RNASEL: variants seen among roughly 807,000 people sequenced by gnomAD.
The protein encoded by RNASEL is 2-5A-dependent ribonuclease.
A neutral mutation model predicts 50.9 loss-of-function variants in RNASEL; 36 were observed. That is an observed-to-expected ratio of 0.71 (90% CI 0.54 to 0.93). RNASEL has a LOEUF of 0.93. Ranked by LOEUF, RNASEL falls within the 40% of genes least tolerant of loss-of-function variation. RNASEL has a pLI of 0.00. For synonymous variants in RNASEL, 335 were observed against 335.6 expected (o/e 1.00, Z 0.02); for missense variants, 860 against 894.5 (o/e 0.96, Z 0.49).
chr1:182,586,189 C>G lies in RNASEL; in HGVS notation c.618G>C (p.Leu206Phe). The change falls in exon 2 of 7, where the codon TTG becomes TTC. Residue 206 changes from leucine (L) to phenylalanine (F), a missense_variant. Coordinates refer to ENST00000367559, the MANE Select transcript of RNASEL (RefSeq NM_021133.4). Reference sequence around the variant, plus strand: ...CGTCAGAGCTCAGGAGAGCATGGATCAAGGCATTTCTGCCCATATTGTCAC... The same window carrying G: ...CGTCAGAGCTCAGGAGAGCATGGATGAAGGCATTTCTGCCCATATTGTCAC... ...NACDNMGRNALIHALLSSDDS... is the reference protein window; with the variant it reads ...NACDNMGRNAFIHALLSSDDS... 1 of 1,614,190 alleles carries G rather than the reference C, an allele frequency of 6.2e-7. No homozygotes were observed. The highest frequency in any genetic ancestry group is 8.5e-7 in the Non-Finnish European group (1 of 1,180,038).
At position 182,581,473 on chromosome 1, in the gene RNASEL, C is replaced by CTTTTT. The variant is rs1011639686; in HGVS notation, c.1773-121_1773-117dup. 143 of 294,596 alleles carry CTTTTT rather than the reference C, an allele frequency of 4.9e-4. 3 individuals are homozygous for CTTTTT. Among genetic ancestry groups the CTTTTT allele is most frequent in the African/African-American group, 1.0e-3 (26 of 25,220 alleles). 18.2% of individuals were successfully genotyped at this position (294,596 alleles called of 1,614,324 possible). ...TTTTGTGCTTTCTTGGTTTTTCTTT[C>CTTTTT]TTTTTTTTTTTTTTTTTTTTTTTTT... On this transcript the variant is annotated intron_variant, in intron 4 of 6. Coordinates refer to ENST00000367559, the MANE Select transcript of RNASEL (RefSeq NM_021133.4).
rs1661380109 is a variant in RNASEL at position 182,576,343 on chromosome 1, CT to C, written c.1951del (p.Arg651GlufsTer13). The C allele has an allele frequency of 6.2e-7, 1 of 1,604,302 alleles. No individual in the cohort carries two copies. On this transcript the variant is annotated frameshift_variant, in exon 6 of 7. Coordinates refer to ENST00000367559, the MANE Select transcript of RNASEL (RefSeq NM_021133.4). LOFTEE classifies it high-confidence loss of function. ...MKKMNKFYEK[R>X]GNFYQNTVGD... is the part of the protein sequence containing the mutation. ...CACAGTGTTCTGGTAGAAATTGCCT[CT>C]TTTTTCATAAAACTTATTCATTTTT...
In RNASEL at chr1:182,585,533, C is replaced by T. The variant is rs954642196; in HGVS notation, c.1274G>A (p.Ser425Asn). The T allele has an allele frequency of 6.2e-7, 1 of 1,614,178 alleles. No homozygotes were observed. Among genetic ancestry groups the T allele is most frequent in the Non-Finnish European group, 8.5e-7 (1 of 1,180,026 alleles). ...ACACACAAACAAGTGGCCCCTGTGGCTCTCACTCCCATAGAATGTCACCAA... is the reference window on the plus strand; with the variant it reads ...ACACACAAACAAGTGGCCCCTGTGGTTCTCACTCCCATAGAATGTCACCAA... The part of the protein sequence containing the change: ...SHLVTFYGSE[S>N]HRGHLFVCVT... Residue 425 changes from serine to asparagine, a missense_variant, in exon 2 of 7, where the codon AGC (serine) becomes AAC (asparagine). By Grantham distance (46) the Ser-to-Asn change is conservative. Transcript: ENST00000367559.
At position 182,585,562 on chromosome 1, in the gene RNASEL, A is replaced by T; in HGVS notation, c.1245T>A (p.Ser415Arg). ...VSCLQSSREN[S>R]HLVTFYGSES... ...CACTCCCATAGAATGTCACCAAGTG[A>T]CTGTTCTCTCGGCTGCTTTGCAGAC... Residue 415 changes from serine to arginine, a missense_variant, in exon 2 of 7, where the codon AGT (serine) becomes AGA (arginine). Ser to Arg is a moderately radical substitution (Grantham distance 110). Coordinates refer to ENST00000367559, the MANE Select transcript of RNASEL (RefSeq NM_021133.4). The T allele has an allele frequency of 6.2e-7, 1 of 1,614,192 alleles. No homozygotes were observed.
intron 2 of RNASEL, among the ~76,000 whole-genome samples, chr1:182,584,567 A>G (rs1378225004): frequency 6.6e-6 from 1 of 152,186 alleles, no homozygotes; most frequent in African/African-American, 2.4e-5. Context: ...TCAGGCAAGA[A>G]CAGCCTTTCC....
chr1:182,581,309 T>C lies in RNASEL; in HGVS notation c.1821A>G (p.Thr607=). ...RNVGNESDIK[T]RKSESEILRL... is the part of the protein sequence containing the mutation. ...TGAGGATCTCACTTTCAGATTTTCG[T>C]GTTTTGATGTCGGATTCATTTCCCA... Residue 607 remains threonine (T), a synonymous_variant, in exon 5 of 7, where the codon ACA becomes ACG. Coordinates refer to ENST00000367559, the MANE Select transcript of RNASEL (RefSeq NM_021133.4). The C allele has an allele frequency of 1.9e-6, 3 of 1,614,054 alleles. No individual in the cohort carries two copies. Among genetic ancestry groups the C allele is most frequent in the Non-Finnish European group, 2.5e-6 (3 of 1,180,006 alleles).
In RNASEL at chr1:182,586,435, A is replaced by T. The variant is rs1393826700; in HGVS notation, c.372T>A (p.Tyr124Ter). 1.2e-6 allele frequency: 2 copies of T among 1,614,236 alleles called. No individual in the cohort carries two copies. Among genetic ancestry groups the T allele is most frequent in the Non-Finnish European group, 1.7e-6 (2 of 1,180,036 alleles). Residue 124 changes from tyrosine to a stop codon, truncating the protein, a stop_gained, in exon 2 of 7, where the codon TAT (tyrosine) becomes TAA (stop). Transcript: ENST00000367559. LOFTEE classifies it high-confidence loss of function. ...KGADVNECDF[Y>*]GFTAFMEAAV... Reference sequence around the variant, plus strand: ...CGGCTTCCATGAAGGCTGTGAAGCCATAAAAATCACACTCATTGACATCTG... The same window carrying T: ...CGGCTTCCATGAAGGCTGTGAAGCCTTAAAAATCACACTCATTGACATCTG...
At position 182,574,727 on chromosome 1, in the gene RNASEL, C is replaced by T. The variant is rs1004376220; in HGVS notation, c.*665G>A. 1 of 232,246 alleles carries T rather than the reference C, an allele frequency of 4.3e-6. No individual in the cohort carries two copies. Among genetic ancestry groups the T allele is most frequent in the African/African-American group, 2.2e-5 (1 of 45,088 alleles). 14.4% of individuals were successfully genotyped at this position (232,246 alleles called of 1,614,324 possible). A position where few individuals can be genotyped will look rare whatever the true frequency, so the allele number is the denominator to read the frequency against. ...ATGCTCTCTTCAGTGCAAAATTGCC[C>T]CCCAGTTGAGAACTACTGCCTTAAG... On this transcript the variant is annotated 3_prime_UTR_variant, in exon 7 of 7. Coordinates refer to ENST00000367559, the MANE Select transcript of RNASEL (RefSeq NM_021133.4).
chr1:182,579,573 T>C (rs1425325103), intron 5 of RNASEL: 1 of 1,142,858 alleles, frequency 8.7e-7, no homozygotes, highest in African/African-American at 1.7e-5. Context: ...GCTGGAAAAC[T>C]TGGGCTCCAG....
chr1:182,582,470 T>C lies in RNASEL; in HGVS notation c.1567-212A>G, dbSNP rs1661515701. On this transcript the variant is annotated intron_variant, in intron 3 of 6. Transcript: ENST00000367559. ...ACTTAGTTTTATGAAGAGTAAAAGATACATATAAGTCACAGTTGTTAGGGC... is the reference window on the plus strand; with the variant it reads ...ACTTAGTTTTATGAAGAGTAAAAGACACATATAAGTCACAGTTGTTAGGGC... Among the ~76,000 whole-genome samples, 3 of 152,306 alleles carry C rather than the reference T, an allele frequency of 2.0e-5. No homozygotes were observed. The South Asian group carries it at 6.2e-4, about 32-fold the overall frequency.
chr1:182,584,671 G>A (rs1440254218), intron 2 of RNASEL, among the ~76,000 whole-genome samples: 1 of 152,180 alleles, frequency 6.6e-6, no homozygotes, highest in Non-Finnish European at 1.5e-5. Flanking sequence ...AGCCTCAAGT[G>A]AGGAACTGAG....
intron 1 of RNASEL, among the ~76,000 whole-genome samples, chr1:182,588,690 T>C (rs940379189): frequency 6.6e-6 from 1 of 152,208 alleles, no homozygotes; most frequent in African/African-American, 2.4e-5. Context: ...CTCTTAGAAG[T>C]TTAATTAATT....
intron 5 of RNASEL, 151 bp from the exon 6 acceptor site, chr1:182,576,540 G>A (rs1310945232): frequency 2.5e-5 from 17 of 692,606 alleles, no homozygotes; most frequent in Non-Finnish European, 4.0e-5. Context: ...ATTTAAAAAT[G>A]GAAGTAAATG....
chr1:182,573,863 A>G lies in RNASEL; in HGVS notation c.*1529T>C, dbSNP rs1429454920. ...GATACCTCCTTTTCAGAAAGAACCT[A>G]AGGTACTGTTTTATTCCCATTACAA... On this transcript the variant is annotated 3_prime_UTR_variant, in exon 7 of 7. Coordinates refer to ENST00000367559, the MANE Select transcript of RNASEL (RefSeq NM_021133.4). 5.2e-6 allele frequency: 1 copy of G among 193,764 alleles called. No individual in the cohort carries two copies. Among genetic ancestry groups the G allele is most frequent in the Non-Finnish European group, 1.1e-5 (1 of 93,050 alleles). The allele number at this position is 193,764 out of a possible 1,614,324, so 12.0% of individuals were successfully genotyped here.
intron 2 of RNASEL, among the ~76,000 whole-genome samples, 190 bp from the exon 3 acceptor site, chr1:182,584,356 T>C (rs916385944): frequency 6.6e-6 from 1 of 152,206 alleles, no homozygotes; most frequent in African/African-American, 2.4e-5. Flanking sequence ...TTTGATCTGT[T>C]AGGTATCTGC....
In RNASEL at chr1:182,585,404, A is replaced by G. The variant is rs1436234998; in HGVS notation, c.1403T>C (p.Ile468Thr). ...DEFARNVLSS[I>T]FKAVQELHLS... Reference sequence around the variant, plus strand: ...GTGTAGTTCTTGAACAGCCTTAAATATAGATGACAGGACATTTCGGGCAAA... The same window carrying G: ...GTGTAGTTCTTGAACAGCCTTAAATGTAGATGACAGGACATTTCGGGCAAA... Residue 468 changes from isoleucine (I) to threonine (T), a missense_variant, in exon 2 of 7, where the codon ATA becomes ACA. Coordinates refer to ENST00000367559, the MANE Select transcript of RNASEL (RefSeq NM_021133.4). 3.7e-6 allele frequency: 6 copies of G among 1,614,176 alleles called. No individual in the cohort carries two copies. The highest frequency in any genetic ancestry group is 5.1e-6 in the Non-Finnish European group (6 of 1,180,026).
In RNASEL at chr1:182,582,142, G is replaced by T; in HGVS notation, c.1683C>A (p.Asp561Glu). The change falls in exon 4 of 7, where the codon GAC (aspartate) becomes GAA (glutamate). Residue 561 changes from aspartate (D) to glutamate (E), a missense_variant. Transcript: ENST00000367559. The stretch of plus-strand genomic sequence containing the variant: ...CAGGATGGAAGAGACGATGAATGAG[G>T]TCCTTAGTTTCCTCATCTGGAGAAA... ...VQLSPDEETK[D>E]LIHRLFHPGE... is the part of the protein sequence containing the mutation. The T allele has an allele frequency of 6.2e-7, 1 of 1,614,170 alleles. No individual in the cohort carries two copies. Among genetic ancestry groups the T allele is most frequent in the Non-Finnish European group, 8.5e-7 (1 of 1,180,026 alleles).
chr1:182,574,422 T>G lies in RNASEL; in HGVS notation c.*970A>C, dbSNP rs982899458. 8.7e-6 allele frequency: 2 copies of G among 229,596 alleles called. No homozygotes were observed. The highest frequency in any genetic ancestry group is 1.7e-5 in the Non-Finnish European group (2 of 115,904). The allele number at this position is 229,596 out of a possible 1,614,324, so 14.2% of individuals were successfully genotyped here. A position where few individuals can be genotyped will look rare whatever the true frequency, so the allele number is the denominator to read the frequency against. On this transcript the variant is annotated 3_prime_UTR_variant, in exon 7 of 7. Coordinates refer to ENST00000367559, the MANE Select transcript of RNASEL (RefSeq NM_021133.4). ...CTGACACCAGAAGGAACTCCATCACTACAGATCCAGCAAGAGTAAATAAAT... is the reference window on the plus strand; with the variant it reads ...CTGACACCAGAAGGAACTCCATCACGACAGATCCAGCAAGAGTAAATAAAT...
Position 182,584,129 on chromosome 1 carries a change from C to T in RNASEL, c.1518G>A (p.Lys506=), listed in dbSNP as rs747456599. The change falls in exon 3 of 7, where the codon AAG becomes AAA. Residue 506 remains lysine (K), a synonymous_variant. Coordinates refer to ENST00000367559, the MANE Select transcript of RNASEL (RefSeq NM_021133.4). ...KKAAHLADFD[K]SIKWAGDPQE... ...GTGGATCTCCAGCCCACTTGATGCT[C>T]TTATCAAAATCTGCCAGGTGAGCAG... The T allele has an allele frequency of 1.2e-6, 2 of 1,614,044 alleles. No homozygotes were observed. The highest frequency in any genetic ancestry group is 4.5e-5 in the East Asian group (2 of 44,868).
Sources: allele counts gnomAD v4.1 joint callset (sites outside exome capture counted in the v4.1 genomes callset), GRCh38; gene constraint gnomAD v4.1.1; transcripts MANE v1.5; gene names NCBI Gene and HGNC (gene_info 2026-07-23, HGNC 2026-07-21).